NGEF: variants seen among roughly 807,000 people sequenced by gnomAD.
NGEF encodes the protein neuronal guanine nucleotide exchange factor.
In NGEF, 31 loss-of-function variants were observed where a neutral mutation model predicts 80.9. The observed-to-expected ratio is 0.38, with a 90% confidence interval of 0.29 to 0.52. NGEF has a LOEUF of 0.52. Ranked by LOEUF, NGEF falls within the 20% of genes least tolerant of loss-of-function variation. NGEF has a pLI of 0.84. For synonymous variants in NGEF, 371 were observed against 370.2 expected, an observed-to-expected ratio of 1.00 and a Z score of -0.03; for missense variants, 709 against 926.2, an observed-to-expected ratio of 0.77 and a Z score of 3.04.
At chr2:232,907,179 GAAAA>G (rs1455116424) in intron 5 of NGEF, among the ~76,000 whole-genome samples, 23 of 25,516 alleles carry the variant, frequency 9.0e-4, no homozygotes, top group African/African-American at 2.8e-3. Context: ...AAAAAGAAAA[GAAAA>G]AAAAGAAAAA....
chr2:232,896,858 C>T (rs1276401749), intron 5 of NGEF, among the ~76,000 whole-genome samples: 2 of 17,012 alleles, frequency 1.2e-4, no homozygotes, highest in African/African-American at 5.2e-4. Context: ...GTGAGGGTGA[C>T]GGTGGGTATA....
chr2:233,005,418 G>T (rs1228358637), intron 1 of NGEF, among the ~76,000 whole-genome samples: 2 of 152,236 alleles, frequency 1.3e-5, no homozygotes, highest in Non-Finnish European at 2.9e-5. Flanking sequence ...CAGCTGGGAA[G>T]GTGAGGCTTT....
In NGEF at chr2:232,889,317, G is replaced by A. The variant is rs75452647; in HGVS notation, c.1273-1210C>T. 7.5e-3 allele frequency among the ~76,000 whole-genome samples: 1,143 copies of A among 152,202 alleles called. 9 individuals carry two copies. Among genetic ancestry groups the A allele is most frequent in the African/African-American group, 0.026 (1,099 of 41,510 alleles). ...CAGTATGGGTTCCTTAGCCTGGCACGTGCTCTCCCACGCCAGCCTCCACTC... is the reference window on the plus strand; with the variant it reads ...CAGTATGGGTTCCTTAGCCTGGCACATGCTCTCCCACGCCAGCCTCCACTC... On this transcript the variant is annotated intron_variant, in intron 8 of 14. Coordinates refer to ENST00000264051, the MANE Select transcript of NGEF (RefSeq NM_019850.3).
At chr2:232,924,493 C>T (rs1215664024) in intron 4 of NGEF, among the ~76,000 whole-genome samples, 3 of 152,086 alleles carry the variant, frequency 2.0e-5, no homozygotes, top group Non-Finnish European at 2.9e-5. Context: ...GATTAAGATA[C>T]TGGCCAAGGA....
At position 232,878,834 on chromosome 2, in the gene NGEF, A is replaced by G. The variant is rs1691381426; in HGVS notation, c.*655T>C. 1 of 152,640 alleles carries G rather than the reference A, an allele frequency of 6.6e-6. No individual in the cohort carries two copies. Among genetic ancestry groups the G allele is most frequent in the African/African-American group, 2.4e-5 (1 of 41,470 alleles). 9.5% of individuals were successfully genotyped at this position (152,640 alleles called of 1,614,324 possible). On this transcript the variant is annotated 3_prime_UTR_variant, in exon 15 of 15. Coordinates refer to ENST00000264051, the MANE Select transcript of NGEF (RefSeq NM_019850.3). ...TGGGCTCCTTAAGGGGCTAGAAGAC[A>G]CAAGTTACATCCAGCCCATCAGGGA...
intron 3 of NGEF, among the ~76,000 whole-genome samples, chr2:232,940,887 G>C (rs573872358): frequency 6.7e-6 from 1 of 149,426 alleles, no homozygotes; most frequent in South Asian, 2.1e-4. Flanking sequence ...TCCTCCTTTC[G>C]TAACTGGCCA....
chr2:232,913,865 A>G (rs919899475), intron 5 of NGEF, among the ~76,000 whole-genome samples: 5 of 152,214 alleles, frequency 3.3e-5, no homozygotes, highest in Non-Finnish European at 5.9e-5. Context: ...GGTTGCAGTG[A>G]GCCGAGATCC....
In NGEF at chr2:232,995,046, T is replaced by A. The variant is rs71421674; in HGVS notation, c.-75+18022A>T. On this transcript the variant is annotated intron_variant, in intron 1 of 14. Transcript: ENST00000264051. ...ATACTGTATATATGTACAGTATGTA[T>A]ACTGTATATATGTACAGTATGTATA... Among the ~76,000 whole-genome samples the A allele has an allele frequency of 1.7e-4, 5 of 30,148 alleles. 2 individuals carry two copies. Among genetic ancestry groups the A allele is most frequent in the Non-Finnish European group, 3.0e-4 (5 of 16,866 alleles). The allele number at this position is 30,148 out of a possible 152,430, so 19.8% of individuals were successfully genotyped here. A position where few individuals can be genotyped will look rare whatever the true frequency, so the allele number is the denominator to read the frequency against.
rs1694766053 is a variant in NGEF at position 232,995,146 on chromosome 2, ATATG to A, written c.-75+17918_-75+17921del. The stretch of plus-strand genomic sequence containing the variant: ...GTATGTATATATGTACAGTATGTAT[ATATG>A]TACAGTATGTATACTGTATATGTGT... On this transcript the variant is annotated intron_variant, in intron 1 of 14. Transcript: ENST00000264051. 2.2e-4 allele frequency among the ~76,000 whole-genome samples: 3 copies of A among 13,718 alleles called. 1 individual carries two copies. The highest frequency in any genetic ancestry group is 5.0e-4 in the Non-Finnish European group (3 of 6,036). 9.0% of individuals were successfully genotyped at this position (13,718 alleles called of 152,430 possible). A position where few individuals can be genotyped will look rare whatever the true frequency, so the allele number is the denominator to read the frequency against.
In NGEF at chr2:232,881,145, C is replaced by CCGT; in HGVS notation, c.1940_1942dup (p.Asp647dup). 6.2e-7 allele frequency: 1 copy of CCGT among 1,611,988 alleles called. No homozygotes were observed. Among genetic ancestry groups the CCGT allele is most frequent in the Non-Finnish European group, 8.5e-7 (1 of 1,179,898 alleles). On this transcript the variant is annotated inframe_insertion and splice_region_variant. Coordinates refer to ENST00000264051, the MANE Select transcript of NGEF (RefSeq NM_019850.3). Reference sequence around the variant, plus strand: ...CCCGAGGGGAGGTCCCTGGGCCTCACCGTCGTCAGTCTTGTCCAGGATGTT... The same window carrying CCGT: ...CCCGAGGGGAGGTCCCTGGGCCTCACCGTCGTCGTCAGTCTTGTCCAGGATGTT...
At chr2:232,893,380 C>T (rs551871155) in intron 6 of NGEF, among the ~76,000 whole-genome samples, 1 of 152,352 alleles carries the variant, frequency 6.6e-6, no homozygotes, top group South Asian at 2.1e-4. Flanking sequence ...GGACTGGCCC[C>T]TGGGCTGACC....
At chr2:232,915,056 G>A (rs1692766900) in intron 5 of NGEF, among the ~76,000 whole-genome samples, 1 of 151,984 alleles carries the variant, frequency 6.6e-6, no homozygotes, top group South Asian at 2.1e-4. Flanking sequence ...ATCAAGGCAG[G>A]GAATTCCACC....
At chr2:232,995,100 T>TACAGTATGTATATATGC (rs1559239461) in intron 1 of NGEF, among the ~76,000 whole-genome samples, 1,060 of 5,678 alleles carry the variant, frequency 0.19, 484 homozygotes, top group African/African-American at 0.54. Context: ...TGTATATGTG[T>TACAGTATGTATATATGC]ACAGTATGTA....
In NGEF at chr2:232,976,868, A is replaced by G. The variant is rs554533425; in HGVS notation, c.-74-1904T>C. 1.6e-3 allele frequency among the ~76,000 whole-genome samples: 241 copies of G among 152,280 alleles called. 1 individual carries two copies. Among genetic ancestry groups the G allele is most frequent in the African/African-American group, 5.6e-3 (231 of 41,552 alleles). ...CCCGGCCTCAGTTTCCTGATCCATG[A>G]AGTTGGAGTGTGCACTATGGGGTCG... On this transcript the variant is annotated intron_variant, in intron 1 of 14. Coordinates refer to ENST00000264051, the MANE Select transcript of NGEF (RefSeq NM_019850.3).
chr2:232,933,279 T>C (rs1423181725), intron 3 of NGEF, among the ~76,000 whole-genome samples: 2 of 151,992 alleles, frequency 1.3e-5, no homozygotes, highest in African/African-American at 4.8e-5. Context: ...CAGCAGCCCC[T>C]AAACAACTAA....
chr2:232,894,562 G>A (rs1487528123), intron 6 of NGEF, 194 bp downstream of exon 6: 11 of 508,494 alleles, frequency 2.2e-5, no homozygotes, highest in South Asian at 5.9e-5. Context: ...GCCGGGGGAC[G>A]TGACTGGCCA....
chr2:232,931,284 A>G (rs530538829), intron 3 of NGEF, among the ~76,000 whole-genome samples: 75 of 152,246 alleles, frequency 4.9e-4, no homozygotes, highest in Non-Finnish European at 9.6e-4. Context: ...TGGGTGGGGC[A>G]CTGTCTACTC....
chr2:232,954,974 A>C (rs879783433), intron 3 of NGEF, among the ~76,000 whole-genome samples: 8 of 151,950 alleles, frequency 5.3e-5, no homozygotes, highest in Non-Finnish European at 1.2e-4. Context: ...TGTTCTCAGC[A>C]CTTTACGGAT....
chr2:232,963,579 C>T (rs1471271094), intron 3 of NGEF, among the ~76,000 whole-genome samples: 4 of 150,166 alleles, frequency 2.7e-5, no homozygotes, highest in Admixed American at 6.6e-5. Context: ...TTTGGGAGGC[C>T]GAGGCAGGCA....
Sources: gnomAD v4.1 joint callset for allele counts (sites outside exome capture counted in the v4.1 genomes callset) on GRCh38, gnomAD v4.1.1 for gene constraint, MANE v1.5 for transcripts, NCBI Gene and HGNC (gene_info 2026-07-23, HGNC 2026-07-21) for gene names.